TARS1: variants seen among roughly 807,000 people sequenced by gnomAD.
The protein encoded by TARS1 is threonine--tRNA ligase 1, cytoplasmic.
TARS1 carries 57 observed loss-of-function variants against 97.7 expected under a neutral mutation model. The observed-to-expected ratio is 0.58, with a 90% confidence interval of 0.47 to 0.73. The LOEUF is 0.73. Ranked by LOEUF, TARS1 falls within the 30% of genes least tolerant of loss-of-function variation. The probability of loss-of-function intolerance (pLI) is 0.00; values close to 1 mark genes in which losing one functional copy is unlikely to be tolerated. For missense variants in TARS1, 806 were observed against 888.3 expected (o/e 0.91, Z 1.18); for synonymous variants, 312 against 293.7 (o/e 1.06, Z -0.64).
At chr5:33,456,508 A>C (rs1742024709) in intron 8 of TARS1, among the ~76,000 whole-genome samples, 1 of 152,202 alleles carries the variant, frequency 6.6e-6, no homozygotes, top group Non-Finnish European at 1.5e-5. Flanking sequence ...TTTGAGACTC[A>C]CTGGGAGTAT....
chr5:33,446,419 C>G lies in TARS1; in HGVS notation c.138+1015C>G, dbSNP rs989106272. Among the ~76,000 whole-genome samples the G allele has an allele frequency of 9.2e-5, 14 of 152,266 alleles. 2 individuals are homozygous for G. Among genetic ancestry groups the G allele is most frequent in the Admixed American group, 9.1e-4 (14 of 15,304 alleles). On this transcript the variant is annotated intron_variant, in intron 2 of 18. Transcript: ENST00000265112. ...TTCCCTAATTTCTTTTTTATACTTTCAATACAAACATACGTGCTGTTCCAT... is the reference window on the plus strand; with the variant it reads ...TTCCCTAATTTCTTTTTTATACTTTGAATACAAACATACGTGCTGTTCCAT...
At position 33,460,941 on chromosome 5, in the gene TARS1, G is replaced by C. The variant is rs748492109; in HGVS notation, c.1290G>C (p.Leu430=). The C allele has an allele frequency of 1.9e-6, 3 of 1,614,102 alleles. No homozygotes were observed. The highest frequency in any genetic ancestry group is 2.5e-6 in the Non-Finnish European group (3 of 1,180,026). Residue 430 remains leucine, a synonymous_variant, in exon 12 of 19, where the codon CTG becomes CTC. Transcript: ENST00000265112. ...FDHRPRSWRE[L]PLRLADFGVL... ...ATCGGCCAAGGTCCTGGCGAGAACT[G>C]CCTCTGCGGCTAGCTGATTTTGGGG...
intron 1 of TARS1, among the ~76,000 whole-genome samples, chr5:33,443,326 T>TCC (rs1561066218): frequency 1.2e-4 from 11 of 94,576 alleles, no homozygotes; most frequent in African/African-American, 5.4e-4. Flanking sequence ...TCTCCCTCTC[T>TCC]CTCTCTCTCT....
intron 3 of TARS1, chr5:33,452,200 A>T: frequency 1.6e-6 from 1 of 638,562 alleles, no homozygotes; most frequent in Non-Finnish European, 2.7e-6. Flanking sequence ...TGAGATTTAC[A>T]GTGTAAAGGG....
chr5:33,464,998 G>A lies in TARS1; in HGVS notation c.1908+1173G>A, dbSNP rs373714981. ...GGAGAATGGAATGAACCCAGGAGGCGGAGCTTGCAGTGAGCCAAGATCATG... is the reference window on the plus strand; with the variant it reads ...GGAGAATGGAATGAACCCAGGAGGCAGAGCTTGCAGTGAGCCAAGATCATG... On this transcript the variant is annotated intron_variant, in intron 17 of 18. Coordinates refer to ENST00000265112, the MANE Select transcript of TARS1 (RefSeq NM_152295.5). Among the ~76,000 whole-genome samples the A allele has an allele frequency of 3.9e-4, 60 of 152,132 alleles. No individual in the cohort carries two copies. In the East Asian group the frequency reaches 8.5e-3, roughly 22 times the overall value.
chr5:33,460,320 A>G (rs111524308), intron 11 of TARS1, among the ~76,000 whole-genome samples: 1,886 of 152,326 alleles, frequency 0.012, 27 homozygotes, highest in Middle Eastern at 0.02. Flanking sequence ...GATCATAGCA[A>G]TGACCAAGGC....
In TARS1 at chr5:33,462,193, G is replaced by A; in HGVS notation, c.1825G>A (p.Gly609Arg). 6.2e-7 allele frequency: 1 copy of A among 1,611,086 alleles called. No individual in the cohort carries two copies. Among genetic ancestry groups the A allele is most frequent in the Non-Finnish European group, 8.5e-7 (1 of 1,179,396 alleles). ...RMIAILTENY[G>R]GKWPFWLSPR... ...GATTGCTATCCTCACAGAAAACTATGGGGGCAAATGGTAATTTTTGTCACT... is the reference window on the plus strand; with the variant it reads ...GATTGCTATCCTCACAGAAAACTATAGGGGCAAATGGTAATTTTTGTCACT... The change falls in exon 16 of 19, where the codon GGG (glycine) becomes AGG (arginine). Residue 609 changes from glycine to arginine, a missense_variant. Gly to Arg is a moderately radical substitution (Grantham distance 125). This residue lies in a region of TARS1 where 446 missense variants were observed against 511.0 expected (regional missense o/e 0.87). Coordinates refer to ENST00000265112, the MANE Select transcript of TARS1 (RefSeq NM_152295.5).
chr5:33,443,830 T>C (rs890282420), intron 1 of TARS1, among the ~76,000 whole-genome samples: 5 of 152,174 alleles, frequency 3.3e-5, no homozygotes, highest in African/African-American at 1.2e-4. Context: ...CTTGATCAGT[T>C]ACATCACTTC....
chr5:33,454,208 G>A (rs1741899521), intron 4 of TARS1, among the ~76,000 whole-genome samples: 1 of 152,164 alleles, frequency 6.6e-6, no homozygotes, highest in Non-Finnish European at 1.5e-5. Flanking sequence ...CTCCATGGCT[G>A]TGTATCATAT....
chr5:33,460,019 A>T, intron 11 of TARS1, 158 bp downstream of exon 11: 2 of 630,598 alleles, frequency 3.2e-6, no homozygotes, highest in Non-Finnish European at 4.9e-6. Flanking sequence ...GCACCTGATT[A>T]GATCCCCACT....
intron 4 of TARS1, among the ~76,000 whole-genome samples, chr5:33,454,316 G>A (rs752198205): frequency 3.3e-5 from 5 of 152,128 alleles, no homozygotes; most frequent in African/African-American, 4.8e-5. Flanking sequence ...AGTTTCTTAC[G>A]AGAATTTTTT....
intron 2 of TARS1, 39 bp downstream of exon 2, chr5:33,445,443 T>C (rs781179561): frequency 6.3e-7 from 1 of 1,584,652 alleles, no homozygotes; most frequent in Non-Finnish European, 8.7e-7. Flanking sequence ...TTATCAGAGG[T>C]TGGCAAATCG....
intron 13 of TARS1, 135 bp downstream of exon 13, chr5:33,461,430 G>C: frequency 7.7e-7 from 1 of 1,301,466 alleles, no homozygotes; most frequent in Non-Finnish European, 1.1e-6. Context: ...GTGTAAGCTA[G>C]TTTTTTTCTT....
At chr5:33,464,131 A>G (rs897510174) in intron 17 of TARS1, among the ~76,000 whole-genome samples, 1 of 152,162 alleles carries the variant, frequency 6.6e-6, no homozygotes. Flanking sequence ...GGCTCACTGT[A>G]ACCTCAAACT....
At chr5:33,444,929 G>T (rs1371090444) in intron 1 of TARS1, among the ~76,000 whole-genome samples, 1 of 151,848 alleles carries the variant, frequency 6.6e-6, no homozygotes, top group Non-Finnish European at 1.5e-5. Context: ...AGCACTGGTG[G>T]AATTCATGGG....
intron 15 of TARS1, 32 bp from the exon 16 acceptor site, chr5:33,462,067 A>G (rs771349339): frequency 6.2e-7 from 1 of 1,602,914 alleles, no homozygotes; most frequent in South Asian, 1.1e-5. Flanking sequence ...AATATATATA[A>G]TAAGACAAAA....
chr5:33,467,681 C>T lies in TARS1; in HGVS notation c.2145C>T (p.Arg715=), dbSNP rs1459650670. ...IERLQQLKEF[R]SKQAEEEF is the part of the protein sequence containing the mutation. ...GGCTACAGCAGCTCAAAGAGTTCCG[C>T]AGCAAACAGGCAGAAGAAGAATTTT... The change falls in exon 19 of 19, where the codon CGC becomes CGT. Residue 715 remains arginine (R), a synonymous_variant. Coordinates refer to ENST00000265112, the MANE Select transcript of TARS1 (RefSeq NM_152295.5). 10 of 1,612,814 alleles carry T rather than the reference C, an allele frequency of 6.2e-6. No individual in the cohort carries two copies. The highest frequency in any genetic ancestry group is 2.2e-5 in the East Asian group (1 of 44,830).
intron 17 of TARS1, among the ~76,000 whole-genome samples, chr5:33,464,240 G>C (rs1742429830): frequency 6.6e-6 from 1 of 152,052 alleles, no homozygotes; most frequent in Non-Finnish European, 1.5e-5. Flanking sequence ...TTAGTATTTA[G>C]TATTTTAAAA....
intron 9 of TARS1, among the ~76,000 whole-genome samples, chr5:33,457,691 G>A (rs1742097245): frequency 6.6e-6 from 1 of 152,188 alleles, no homozygotes; most frequent in African/African-American, 2.4e-5. Flanking sequence ...TTCTCATAGA[G>A]CTGGGAGAAC....
Sources: gnomAD v4.1 joint callset for allele counts (sites outside exome capture counted in the v4.1 genomes callset) on GRCh38, gnomAD v4.1.1 for gene constraint, gnomAD v4.1.1 regional missense constraint, MANE v1.5 for transcripts, NCBI Gene and HGNC (gene_info 2026-07-23, HGNC 2026-07-21) for gene names.